Variants in PREP observed in about 807,000 individuals in gnomAD.
The protein encoded by PREP is prolyl endopeptidase.
A neutral mutation model predicts 87.6 loss-of-function variants in PREP; 29 were observed. The observed-to-expected ratio is 0.33, with a 90% confidence interval of 0.25 to 0.45. The LOEUF is 0.45. PREP is among the 20% of genes least tolerant of loss of function. The probability of loss-of-function intolerance (pLI) is 1.00; values close to 1 mark genes in which losing one functional copy is unlikely to be tolerated. For missense variants in PREP, 695 were observed against 886.5 expected (o/e 0.78, Z 2.74); for synonymous variants, 337 against 328.6 (o/e 1.03, Z -0.28).
chr6:105,309,511 G>A (rs751442163), intron 10 of PREP, among the ~76,000 whole-genome samples: 127 of 152,068 alleles, frequency 8.4e-4, no homozygotes, highest in Non-Finnish European at 1.7e-3. Flanking sequence ...CACCATACCT[G>A]GCTAATTTTT....
chr6:105,330,620 T>C (rs79297744), intron 8 of PREP, among the ~76,000 whole-genome samples: 14,222 of 151,786 alleles, frequency 0.094, 1,619 homozygotes, highest in African/African-American at 0.26. Flanking sequence ...GACAGGGCTG[T>C]AGGGGACAGG....
chr6:105,398,710 A>G (rs1189524285), intron 1 of PREP, among the ~76,000 whole-genome samples: 4 of 152,128 alleles, frequency 2.6e-5, no homozygotes, highest in African/African-American at 9.7e-5. Context: ...CGTTTGAAGG[A>G]GCAAGTAGAA....
At chr6:105,346,987 C>T (rs1771814425) in intron 7 of PREP, among the ~76,000 whole-genome samples, 1 of 151,944 alleles carries the variant, frequency 6.6e-6, no homozygotes, top group Non-Finnish European at 1.5e-5. Flanking sequence ...ATAATCCTAG[C>T]TACTTGAGAG....
chr6:105,371,790 C>CT (rs1274965222), intron 5 of PREP, among the ~76,000 whole-genome samples: 3 of 152,022 alleles, frequency 2.0e-5, no homozygotes, highest in African/African-American at 7.2e-5. Context: ...CCATCACAGT[C>CT]TGAGAGGCTA....
chr6:105,339,368 A>G (rs535244749), intron 7 of PREP, among the ~76,000 whole-genome samples: 3 of 152,262 alleles, frequency 2.0e-5, no homozygotes, highest in Admixed American at 2.0e-4. Context: ...CCACACCAAA[A>G]CCCCATCTGT....
chr6:105,313,114 G>A (rs1408680151), intron 10 of PREP, among the ~76,000 whole-genome samples: 2 of 152,158 alleles, frequency 1.3e-5, no homozygotes, highest in African/African-American at 4.8e-5. Flanking sequence ...CCTAAAACCA[G>A]GTCAAGGTAC....
At chr6:105,376,729 C>T (rs911559047) in intron 3 of PREP, among the ~76,000 whole-genome samples, 1 of 152,176 alleles carries the variant, frequency 6.6e-6, no homozygotes, top group Admixed American at 6.5e-5. Flanking sequence ...AATACTCAGG[C>T]CTGTAGCTGC....
At chr6:105,369,879 G>A (rs1772489402) in intron 5 of PREP, among the ~76,000 whole-genome samples, 1 of 152,184 alleles carries the variant, frequency 6.6e-6, no homozygotes, top group Non-Finnish European at 1.5e-5. Context: ...ACAAACATCT[G>A]ACCAAAGATA....
chr6:105,285,404 C>CA, intron 12 of PREP, 82 bp downstream of exon 12: 1 of 1,407,712 alleles, frequency 7.1e-7, no homozygotes, highest in South Asian at 1.2e-5. Flanking sequence ...CAAACCCCTT[C>CA]AGCTCATTCA....
At chr6:105,341,437 A>T (rs1216593280) in intron 7 of PREP, among the ~76,000 whole-genome samples, 2 of 152,242 alleles carry the variant, frequency 1.3e-5, no homozygotes, top group African/African-American at 4.8e-5. Context: ...AGAAAGCAGG[A>T]AAGATCTAAA....
intron 7 of PREP, among the ~76,000 whole-genome samples, chr6:105,350,664 C>T (rs1286356907): frequency 6.6e-6 from 1 of 152,168 alleles, no homozygotes; most frequent in Non-Finnish European, 1.5e-5. Context: ...AACAAGAGTT[C>T]TCTAACCCTG....
rs1318058982 is a variant in PREP, at chr6:105,377,498, T to C, written c.142A>G (p.Lys48Glu). The change falls in exon 3 of 15, where the codon AAG becomes GAG. Residue 48 changes from lysine to glutamate, a missense_variant. Around this residue, in one of 5 missense-constraint regions of PREP, gnomAD observed 517 missense variants for 620.3 expected, o/e 0.83. Coordinates refer to ENST00000652536, the MANE Select transcript of PREP (RefSeq NM_002726.5). ...TGCTCAAGAAATGGCACAGTAATCT[T>C]ATTCTGGGCCTCCACAAAGGCCTGT... ...QTKAFVEAQN[K>E]ITVPFLEQCP... 3 of 1,613,642 alleles carry C rather than the reference T, an allele frequency of 1.9e-6. No homozygotes were observed. Among genetic ancestry groups the C allele is most frequent in the Non-Finnish European group, 1.7e-6 (2 of 1,179,828 alleles).
chr6:105,302,566 C>G, intron 10 of PREP: 1 of 395,242 alleles, frequency 2.5e-6, no homozygotes, highest in Non-Finnish European at 4.9e-6. Flanking sequence ...CGCATGTTTT[C>G]TCAGGCCGCA....
chr6:105,295,446 C>T (rs1210972810), intron 10 of PREP, among the ~76,000 whole-genome samples: 1 of 152,066 alleles, frequency 6.6e-6, no homozygotes, highest in African/African-American at 2.4e-5. Context: ...GCCAACAAAA[C>T]CTTATGTATC....
chr6:105,322,872 C>A, intron 10 of PREP: 2 of 1,172,608 alleles, frequency 1.7e-6, no homozygotes, highest in South Asian at 1.8e-5. Flanking sequence ...ATAATAATGC[C>A]CTAGTTTCAC....
Position 105,278,207 on chromosome 6 carries a change from T to TATC in PREP, c.2067_2069dup (p.Val689_Ile690insMet). On this transcript the variant is annotated inframe_insertion, in exon 15 of 15. Coordinates refer to ENST00000652536, the MANE Select transcript of PREP (RefSeq NM_002726.5). This position sits in a 1 kb window ranked among gnomAD's most constrained non-coding sequence, Gnocchi z 4.2. The stretch of plus-strand genomic sequence containing the variant: ...ACGCAAACATGTCTGAGACTTCCTC[T>TATC]ATCACTTTGGCTGTGGGCTTCCCCG... The TATC allele has an allele frequency of 6.2e-7, 1 of 1,614,232 alleles. No homozygotes were observed. Among genetic ancestry groups the TATC allele is most frequent in the Non-Finnish European group, 8.5e-7 (1 of 1,180,040 alleles).
intron 10 of PREP, among the ~76,000 whole-genome samples, chr6:105,291,384 G>T (rs1367443077): frequency 1.3e-5 from 2 of 152,122 alleles, no homozygotes; most frequent in Non-Finnish European, 2.9e-5. Context: ...TAAATTGAGG[G>T]ATACAAAGTA....
intron 12 of PREP, among the ~76,000 whole-genome samples, chr6:105,284,812 C>A (rs1400382702): frequency 6.6e-6 from 1 of 152,060 alleles, no homozygotes; most frequent in Non-Finnish European, 1.5e-5. Flanking sequence ...GACGATCATT[C>A]AAAAAAATTG....
At chr6:105,398,008 A>C (rs1454438186) in intron 1 of PREP, 81 bp from the exon 2 acceptor site, 1 of 1,123,146 alleles carries the variant, frequency 8.9e-7, no homozygotes, top group Admixed American at 1.9e-5. Context: ...TAATGGAGAA[A>C]TAGGAAAGGG....
Sources: gnomAD v4.1 joint callset for allele counts (sites outside exome capture counted in the v4.1 genomes callset) on GRCh38, gnomAD v4.1.1 for gene constraint, gnomAD v4.1.1 regional missense constraint, Gnocchi (gnomAD v3.1) non-coding constraint, MANE v1.5 for transcripts, NCBI Gene and HGNC (gene_info 2026-07-23, HGNC 2026-07-21) for gene names.